PID1: variants seen among roughly 807,000 people sequenced by gnomAD.
PID1 encodes phosphotyrosine interaction domain containing 1, also known as PTB-containing, cubilin and LRP1-interacting protein.
PID1 carries 10 observed loss-of-function variants against 19.1 expected under a neutral mutation model. The ratio of observed to expected loss-of-function variants is 0.52; its 90% confidence interval spans 0.32 to 0.89. The LOEUF (loss-of-function observed/expected upper bound fraction) is 0.89. Among genes scored for constraint, PID1 ranks in the 40% least tolerant of loss-of-function variants. The pLI is 0.03. For missense variants in PID1, 248 were observed against 285.3 expected (o/e 0.87, Z 0.94); for synonymous variants, 130 against 116.0 (o/e 1.12, Z -0.78).
At chr2:229,255,024 A>G (rs1169666042) in intron 1 of PID1, among the ~76,000 whole-genome samples, 1 of 152,236 alleles carries the variant, frequency 6.6e-6, no homozygotes, top group East Asian at 1.9e-4. Flanking sequence ...CAATGTGATT[A>G]GAGTGTGCAA....
At chr2:229,224,425 C>T (rs1439294878) in intron 1 of PID1, among the ~76,000 whole-genome samples, 1 of 152,174 alleles carries the variant, frequency 6.6e-6, no homozygotes, top group Non-Finnish European at 1.5e-5. Flanking sequence ...GTTTCCTTCA[C>T]ATTATCTTTT....
In PID1 at chr2:229,093,132, C is replaced by CT. The variant is rs1011657647; in HGVS notation, c.177+62685dup. On this transcript the variant is annotated intron_variant, in intron 2 of 2. Coordinates refer to ENST00000392055, the MANE Select transcript of PID1 (RefSeq NM_001100818.2). Reference sequence around the variant, plus strand: ...TCTGGTCTGGTCTTTCTTTCTTTTTCTTTTTCTTTTTTTTTTTTGAGATGG... The same window carrying CT: ...TCTGGTCTGGTCTTTCTTTCTTTTTCTTTTTTCTTTTTTTTTTTTGAGATGG... Among the ~76,000 whole-genome samples the CT allele has an allele frequency of 2.2e-3, 128 of 58,034 alleles. 2 individuals are homozygous for CT. Among genetic ancestry groups the CT allele is most frequent in the Admixed American group, 4.1e-3 (26 of 6,282 alleles). 38.1% of individuals were successfully genotyped at this position (58,034 alleles called of 152,430 possible). A position where few individuals can be genotyped will look rare whatever the true frequency, so the allele number is the denominator to read the frequency against.
At chr2:229,228,270 C>CA (rs5839314) in intron 1 of PID1, among the ~76,000 whole-genome samples, 22,549 of 152,182 alleles carry the variant, frequency 0.15, 2,098 homozygotes, top group Admixed American at 0.24. Flanking sequence ...TAGGAGCAGT[C>CA]ATTTTCTGTT....
chr2:229,232,208 A>G, intron 1 of PID1: 4 of 1,215,488 alleles, frequency 3.3e-6, no homozygotes, highest in East Asian at 2.8e-5. Flanking sequence ...CAGATCATGA[A>G]GTCAGGAGAT....
intron 1 of PID1, among the ~76,000 whole-genome samples, chr2:229,176,859 G>C (rs1031805517): frequency 1.3e-5 from 2 of 152,112 alleles, no homozygotes; most frequent in Non-Finnish European, 2.9e-5. Flanking sequence ...TTTGAATCCT[G>C]GTTCCACCTC....
At position 229,241,642 on chromosome 2, in the gene PID1, T is replaced by C. The variant is rs912128163; in HGVS notation, c.30+29372A>G. 3.3e-5 allele frequency among the ~76,000 whole-genome samples: 5 copies of C among 152,260 alleles called. No individual in the cohort carries two copies. The South Asian group carries it at 1.0e-3, about 32-fold the overall frequency. On this transcript the variant is annotated intron_variant, in intron 1 of 2. Transcript: ENST00000392055. ...GAAAAGTTAGTGAGTTATTAGGTAG[T>C]ACAAATTCTCAGCATTGTAAATCAA...
intron 1 of PID1, chr2:229,231,897 T>C (rs1559295839): frequency 1.3e-6 from 2 of 1,505,104 alleles, no homozygotes. Context: ...AGATAATTTA[T>C]AAAAAAAAAC....
chr2:229,231,681 CAGA>C (rs1559295725), intron 1 of PID1, among the ~76,000 whole-genome samples: 1 of 152,072 alleles, frequency 6.6e-6, no homozygotes, highest in Non-Finnish European at 1.5e-5. Context: ...TTCAGAAGAA[CAGA>C]AGAACACTCT....
intron 1 of PID1, among the ~76,000 whole-genome samples, chr2:229,168,306 C>T (rs554677012): frequency 3.3e-5 from 5 of 152,174 alleles, no homozygotes; most frequent in African/African-American, 1.2e-4. Flanking sequence ...ATATTTTAGA[C>T]CATTTTATAG....
intron 2 of PID1, among the ~76,000 whole-genome samples, chr2:229,043,031 A>G (rs1574579022): frequency 6.9e-6 from 1 of 144,176 alleles, no homozygotes; most frequent in Admixed American, 7.2e-5. Context: ...TTTGAGATGG[A>G]GTCTTGTTCT....
chr2:229,180,324 T>C (rs953813475), intron 1 of PID1, among the ~76,000 whole-genome samples: 1 of 152,172 alleles, frequency 6.6e-6, no homozygotes, highest in Non-Finnish European at 1.5e-5. Context: ...CTAAAGTGCA[T>C]ATCTGTATGC....
chr2:229,042,522 CAT>C (rs1474610677), intron 2 of PID1, among the ~76,000 whole-genome samples: 3 of 152,144 alleles, frequency 2.0e-5, no homozygotes, highest in Non-Finnish European at 2.9e-5. Context: ...ATTTTAGTGA[CAT>C]GTGACAAATT....
chr2:229,199,882 G>T (rs1314948506), intron 1 of PID1, among the ~76,000 whole-genome samples: 2 of 151,724 alleles, frequency 1.3e-5, no homozygotes, highest in African/African-American at 4.8e-5. Flanking sequence ...ATATAGCAAA[G>T]AAATTTAATT....
intron 1 of PID1, among the ~76,000 whole-genome samples, chr2:229,256,261 G>A (rs1358553670): frequency 2.0e-5 from 3 of 152,048 alleles, no homozygotes; most frequent in Non-Finnish European, 4.4e-5. Context: ...CAAGCCCTCC[G>A]TGATCTGACG....
chr2:229,086,129 G>C (rs954563867), intron 2 of PID1, among the ~76,000 whole-genome samples: 1 of 151,788 alleles, frequency 6.6e-6, no homozygotes, highest in African/African-American at 2.4e-5. Context: ...ATTAGTTTTG[G>C]GTGATTTCTT....
intron 1 of PID1, among the ~76,000 whole-genome samples, chr2:229,210,545 AAAAAAAAAAC>A (rs1166468383): frequency 1.3e-5 from 2 of 148,406 alleles, no homozygotes; most frequent in South Asian, 2.1e-4. Context: ...AAAAAAAAAA[AAAAAAAAAAC>A]AACCTAGAAG....
chr2:229,134,231 G>GTTTT (rs60513006), intron 2 of PID1, among the ~76,000 whole-genome samples: 32 of 109,194 alleles, frequency 2.9e-4, no homozygotes, highest in African/African-American at 4.7e-4. Flanking sequence ...TACTACCTGT[G>GTTTT]TTTTTTTTTT....
At chr2:229,203,461 GAA>G (rs1002894332) in intron 1 of PID1, among the ~76,000 whole-genome samples, 1 of 151,228 alleles carries the variant, frequency 6.6e-6, no homozygotes, top group African/African-American at 2.4e-5. Context: ...ACATTGATGA[GAA>G]AAAAAATGGT....
intron 2 of PID1, among the ~76,000 whole-genome samples, chr2:229,104,511 T>C (rs376552591): frequency 6.6e-6 from 1 of 152,232 alleles, no homozygotes; most frequent in Non-Finnish European, 1.5e-5. Flanking sequence ...GTATTGGCTG[T>C]TTCACTCATT....
Sources: allele counts gnomAD v4.1 joint callset (sites outside exome capture counted in the v4.1 genomes callset), GRCh38; gene constraint gnomAD v4.1.1; transcripts MANE v1.5; gene names NCBI Gene and HGNC (gene_info 2026-07-23, HGNC 2026-07-21).